The following DPYSL3 variants were observed in gnomAD, a reference collection of about 807,000 sequenced individuals.
DPYSL3 encodes dihydropyrimidinase like 3, also known as dihydropyrimidinase-related protein 3.
A neutral mutation model predicts 66.1 loss-of-function variants in DPYSL3; 16 were observed. The observed-to-expected ratio is 0.24, with a 90% confidence interval of 0.16 to 0.37. DPYSL3 has a LOEUF of 0.37. Ranked by LOEUF, DPYSL3 falls within the 10% of genes least tolerant of loss-of-function variation. The probability of loss-of-function intolerance (pLI) is 1.00; values close to 1 mark genes in which losing one functional copy is unlikely to be tolerated. For synonymous variants in DPYSL3, 338 were observed against 345.1 expected (o/e 0.98, Z 0.23); for missense variants, 738 against 916.2 (o/e 0.81, Z 2.51).
chr5:147,413,417 G>A (rs1246495644), intron 5 of DPYSL3, among the ~76,000 whole-genome samples, 179 bp downstream of exon 5: 1 of 152,156 alleles, frequency 6.6e-6, no homozygotes, highest in Non-Finnish European at 1.5e-5. Context: ...TCTTGCCATG[G>A]GCACCCTGCC....
intron 1 of DPYSL3, among the ~76,000 whole-genome samples, chr5:147,478,663 A>C (rs1181710678): frequency 6.6e-6 from 1 of 151,986 alleles, no homozygotes; most frequent in Non-Finnish European, 1.5e-5. Context: ...TCTGCCCCCC[A>C]CACACACCAG....
In DPYSL3 at chr5:147,399,089, T is replaced by C; in HGVS notation, c.1616A>G (p.His539Arg). 1 of 1,614,030 alleles carries C rather than the reference T, an allele frequency of 6.2e-7. No individual in the cohort carries two copies. Among genetic ancestry groups the C allele is most frequent in the Non-Finnish European group, 8.5e-7 (1 of 1,179,996 alleles). Residue 539 changes from histidine (H) to arginine (R), a missense_variant, in exon 11 of 14, where the codon CAC becomes CGC. By Grantham distance (29) the His-to-Arg change is conservative. Coordinates refer to ENST00000343218, the MANE Select transcript of DPYSL3 (RefSeq NM_001197294.2). ...DAVKIVSAKN[H>R]QSAAEYNIFE... ...CACCAGAGCGGGCCTTACAGACTGG[T>C]GGTTCTTGGCAGAGACGATCTTCAC...
At chr5:147,434,028 CA>C (rs146353824) in intron 1 of DPYSL3, among the ~76,000 whole-genome samples, 115 of 137,594 alleles carry the variant, frequency 8.4e-4, no homozygotes, top group Non-Finnish European at 7.9e-4. Context: ...AACTCCGTCT[CA>C]AAAAAAAAAA....
At chr5:147,483,839 A>G (rs944232170) in intron 1 of DPYSL3, among the ~76,000 whole-genome samples, 3 of 152,220 alleles carry the variant, frequency 2.0e-5, no homozygotes, top group African/African-American at 7.2e-5. Context: ...GTAAAATGAG[A>G]ATAACTCGAT....
chr5:147,436,858 C>G (rs1471812063), intron 1 of DPYSL3, among the ~76,000 whole-genome samples: 1 of 152,100 alleles, frequency 6.6e-6, no homozygotes, highest in Non-Finnish European at 1.5e-5. Context: ...TTAATAGACA[C>G]AGGAAACAGA....
intron 1 of DPYSL3, among the ~76,000 whole-genome samples, chr5:147,441,284 G>T (rs1015635492): frequency 6.6e-6 from 1 of 152,136 alleles, no homozygotes; most frequent in African/African-American, 2.4e-5. Flanking sequence ...TGAGATCAGG[G>T]TGTCAGCAGG....
intron 2 of DPYSL3, among the ~76,000 whole-genome samples, chr5:147,423,682 G>T (rs1437841233): frequency 7.0e-6 from 1 of 142,130 alleles, no homozygotes; most frequent in Admixed American, 7.2e-5. Context: ...TATGATTGAT[G>T]AAAGCACAAG....
chr5:147,478,029 T>C lies in DPYSL3; in HGVS notation c.381+31449A>G, dbSNP rs557234185. Among the ~76,000 whole-genome samples, 8 of 152,350 alleles carry C rather than the reference T, an allele frequency of 5.3e-5. No homozygotes were observed. In the South Asian group the frequency reaches 1.7e-3, roughly 32 times the overall value. On this transcript the variant is annotated intron_variant, in intron 1 of 13. Transcript: ENST00000343218. ...CCAGGACCAGAATTCATGTCTCTTG[T>C]ATCTTACATTTTGAGCTCTCTTTTT...
intron 1 of DPYSL3, among the ~76,000 whole-genome samples, chr5:147,440,846 G>A (rs1398639685): frequency 6.6e-6 from 1 of 152,170 alleles, no homozygotes; most frequent in Non-Finnish European, 1.5e-5. Flanking sequence ...AGATAGAACA[G>A]TACAGTAAGT....
In DPYSL3 at chr5:147,393,479, G is replaced by A. The variant is rs1757875316; in HGVS notation, c.*556C>T. On this transcript the variant is annotated 3_prime_UTR_variant, in exon 14 of 14. Transcript: ENST00000343218. ...GCCTGCCTTCTCGGCAGACCCTAGG[G>A]AGCTGTGGTGATGTGACAGCTGCCA... The A allele has an allele frequency of 6.5e-6, 1 of 153,106 alleles. No individual in the cohort carries two copies. The highest frequency in any genetic ancestry group is 1.5e-5 in the Non-Finnish European group (1 of 68,446). The allele number at this position is 153,106 out of a possible 1,614,324, so 9.5% of individuals were successfully genotyped here.
Position 147,408,713 on chromosome 5 carries a change from TC to T in DPYSL3, c.1032+14del. On this transcript the variant is annotated intron_variant, in intron 7 of 13. Transcript: ENST00000343218. ...TTCATGCGTTGTGTGTGCACCTTCA[TC>T]CCCTGTAACTTACCTCTTCTGGCCT... 6.2e-7 allele frequency: 1 copy of T among 1,613,616 alleles called. No homozygotes were observed. Among genetic ancestry groups the T allele is most frequent in the Non-Finnish European group, 8.5e-7 (1 of 1,179,574 alleles).
At chr5:147,464,466 C>T (rs1367042408) in intron 1 of DPYSL3, among the ~76,000 whole-genome samples, 1 of 152,198 alleles carries the variant, frequency 6.6e-6, no homozygotes, top group Admixed American at 6.5e-5. Context: ...ACTTCGGGCT[C>T]ATGGGCCCAG....
At chr5:147,447,393 C>T (rs761385584) in intron 1 of DPYSL3, among the ~76,000 whole-genome samples, 4 of 152,130 alleles carry the variant, frequency 2.6e-5, no homozygotes, top group Non-Finnish European at 4.4e-5. Context: ...TTGAAATAGG[C>T]ATATGTTGAT....
At chr5:147,400,370 A>C (rs1004167589) in intron 10 of DPYSL3, among the ~76,000 whole-genome samples, 1 of 152,212 alleles carries the variant, frequency 6.6e-6, no homozygotes, top group Non-Finnish European at 1.5e-5. Flanking sequence ...GAAGTCATAA[A>C]ACTATCCAAA....
rs527773020 is a variant in DPYSL3 at position 147,396,359 on chromosome 5, G to C, written c.1804-638C>G. 2.6e-5 allele frequency among the ~76,000 whole-genome samples: 4 copies of C among 152,312 alleles called. No individual in the cohort carries two copies. The South Asian group carries it at 6.2e-4, about 24-fold the overall frequency. On this transcript the variant is annotated intron_variant, in intron 12 of 13. Coordinates refer to ENST00000343218, the MANE Select transcript of DPYSL3 (RefSeq NM_001197294.2). ...CTGCTAGGCCTTGTGCCAGGCACTA[G>C]GGCCTTTGGCCATGGGAAACACGGT...
At chr5:147,492,982 G>A (rs747698421) in intron 1 of DPYSL3, among the ~76,000 whole-genome samples, 1 of 152,078 alleles carries the variant, frequency 6.6e-6, no homozygotes, top group East Asian at 1.9e-4. Context: ...GATATTAAAA[G>A]AAAAGGAATG....
At chr5:147,405,911 ACT>A (rs1422842295) in intron 7 of DPYSL3, 181 bp from the exon 8 acceptor site, 1 of 682,892 alleles carries the variant, frequency 1.5e-6, no homozygotes, top group Non-Finnish European at 2.3e-6. Context: ...GTGTCACTTT[ACT>A]CAGCTTCCCA....
chr5:147,441,783 C>G (rs1207963753), intron 1 of DPYSL3, among the ~76,000 whole-genome samples: 3 of 152,108 alleles, frequency 2.0e-5, no homozygotes, highest in East Asian at 3.9e-4. Context: ...TCTTCCTGCC[C>G]CTAGCCAAGC....
chr5:147,404,636 C>T (rs12518292), intron 8 of DPYSL3, among the ~76,000 whole-genome samples: 4,701 of 152,266 alleles, frequency 0.031, 218 homozygotes, highest in East Asian at 0.18. Flanking sequence ...ACAACTGAGC[C>T]CACGAGTCTG....
Sources: allele counts gnomAD v4.1 joint callset (sites outside exome capture counted in the v4.1 genomes callset), GRCh38; gene constraint gnomAD v4.1.1; transcripts MANE v1.5; gene names NCBI Gene and HGNC (gene_info 2026-07-23, HGNC 2026-07-21).